The following PC variants were observed in gnomAD, a reference collection of about 807,000 sequenced individuals.
PC encodes pyruvate carboxylase.
Under a neutral mutation model 107.8 loss-of-function variants are expected in PC, and 46 were observed. The observed-to-expected ratio is 0.43, with a 90% CI of 0.34 to 0.55. The LOEUF (loss-of-function observed/expected upper bound fraction) is 0.55, where lower values mean the gene tolerates loss of function less well. Ranked by LOEUF, PC falls within the 20% of genes least tolerant of loss-of-function variation. PC has a pLI of 0.04. For missense variants in PC, 1,241 were observed against 1,643.1 expected (o/e 0.76, Z 4.23); for synonymous variants, 662 against 684.7 (o/e 0.97, Z 0.52).
At chr11:66,849,571 G>C in intron 21 of PC, 40 bp downstream of exon 21, 1 of 1,613,840 alleles carries the variant, frequency 6.2e-7, no homozygotes, top group Non-Finnish European at 8.5e-7. Context: ...CTGGGGCAGG[G>C]GGCCAGGGTG....
At chr11:66,930,928 G>A (rs902524194) in intron 3 of PC, among the ~76,000 whole-genome samples, 1 of 152,038 alleles carries the variant, frequency 6.6e-6, no homozygotes, top group African/African-American at 2.4e-5. Context: ...CCACATGGAC[G>A]AATCACAAAT....
At chr11:66,903,714 C>A (rs1170821443) in intron 3 of PC, among the ~76,000 whole-genome samples, 2 of 127,582 alleles carry the variant, frequency 1.6e-5, no homozygotes, top group African/African-American at 6.1e-5. Flanking sequence ...TGCCATTGCA[C>A]TCCAGCCTGG....
intron 3 of PC, among the ~76,000 whole-genome samples, chr11:66,949,145 C>CA (rs1949378200): frequency 6.6e-6 from 1 of 150,812 alleles, no homozygotes; most frequent in Non-Finnish European, 1.5e-5. Flanking sequence ...GGCGCGTGAC[C>CA]ACCACACCCA....
chr11:66,861,145 G>A (rs890888387), intron 12 of PC, among the ~76,000 whole-genome samples: 3 of 152,166 alleles, frequency 2.0e-5, no homozygotes, highest in South Asian at 2.1e-4. Context: ...GCCCTCCCTC[G>A]CTGCAGGGAG....
rs1565213970 is a variant in PC, at chr11:66,851,835, G to A, written c.1937C>T (p.Ala646Val). The A allele has an allele frequency of 1.2e-6, 2 of 1,614,102 alleles. No individual in the cohort carries two copies. Among genetic ancestry groups the A allele is most frequent in the Admixed American group, 3.3e-5 (2 of 60,028 alleles). Reference protein sequence around the residue: ...NIPFQMLLRGANAVGYTNYPD... With the variant: ...NIPFQMLLRGVNAVGYTNYPD... ...GTAGTTGGTGTAGCCCACAGCATTG[G>A]CCCCCCGCAGCAGCATCTGGAAAGG... is the stretch of plus-strand genomic sequence containing the variant. Residue 646 changes from alanine (A) to valine (V), a missense_variant, in exon 16 of 23, where the codon GCC becomes GTC. By Grantham distance (64) the Ala-to-Val change is moderately conservative. Transcript: ENST00000393960.
At chr11:66,856,292 AGCCGC>A (rs1384622287) in intron 12 of PC, among the ~76,000 whole-genome samples, 1 of 152,186 alleles carries the variant, frequency 6.6e-6, no homozygotes, top group Non-Finnish European at 1.5e-5. Flanking sequence ...GCGGTTGGGA[AGCCGC>A]GCCGCGCAGA....
At chr11:66,940,511 A>T (rs1949103773) in intron 3 of PC, among the ~76,000 whole-genome samples, 1 of 151,480 alleles carries the variant, frequency 6.6e-6, no homozygotes, top group Admixed American at 6.6e-5. Context: ...ATCATGGTGA[A>T]ACGCTGTCTC....
At chr11:66,851,706 G>A (rs1200930995) in intron 16 of PC, 84 bp downstream of exon 16, 41 of 1,397,348 alleles carry the variant, frequency 2.9e-5, no homozygotes, top group Middle Eastern at 1.8e-4. Context: ...CAGGCTGACC[G>A]TGGAGAACAG....
At chr11:66,851,357 C>T (rs543835075) in intron 16 of PC, 77 bp from the exon 17 acceptor site, 6 of 1,584,400 alleles carry the variant, frequency 3.8e-6, no homozygotes, top group African/African-American at 1.3e-5. Context: ...CCTTCCTGAC[C>T]CACTCTATGG....
intron 16 of PC, 36 bp from the exon 17 acceptor site, chr11:66,851,316 C>T (rs776010779): frequency 6.3e-7 from 1 of 1,599,372 alleles, no homozygotes; most frequent in Non-Finnish European, 8.5e-7. Flanking sequence ...TGAGCCCCAC[C>T]CCACCTCCCT....
chr11:66,954,045 G>T (rs1712511202), intron 2 of PC, among the ~76,000 whole-genome samples: 1 of 152,152 alleles, frequency 6.6e-6, no homozygotes, highest in South Asian at 2.1e-4. Context: ...TGAAAAGAGA[G>T]CCCAGTCCAA....
intron 3 of PC, among the ~76,000 whole-genome samples, chr11:66,929,028 T>C (rs1372110063): frequency 6.6e-6 from 1 of 152,172 alleles, no homozygotes; most frequent in Non-Finnish European, 1.5e-5. Flanking sequence ...ATTTATTGAA[T>C]GCTAGAATGG....
At chr11:66,922,484 G>C (rs1426067411) in intron 3 of PC, among the ~76,000 whole-genome samples, 1 of 144,690 alleles carries the variant, frequency 6.9e-6, no homozygotes, top group African/African-American at 2.5e-5. Flanking sequence ...TGAAGCAGGA[G>C]AATCGCTTGA....
At chr11:66,947,080 C>T (rs1351753240) in intron 3 of PC, among the ~76,000 whole-genome samples, 2 of 152,108 alleles carry the variant, frequency 1.3e-5, no homozygotes, top group Non-Finnish European at 2.9e-5. Context: ...GAAAATTTGG[C>T]AGTTCAAGTT....
intron 1 of PC, among the ~76,000 whole-genome samples, chr11:66,955,478 G>C (rs1356139750): frequency 1.3e-5 from 2 of 152,210 alleles, no homozygotes; most frequent in Non-Finnish European, 2.9e-5. Context: ...AGGGAACCGA[G>C]TCAGCCAGGC....
In PC at chr11:66,866,135, A is replaced by C; in HGVS notation, c.1185+52T>G. 2.5e-6 allele frequency: 4 copies of C among 1,577,906 alleles called. No individual in the cohort carries two copies. Among genetic ancestry groups the C allele is most frequent in the Non-Finnish European group, 3.4e-6 (4 of 1,162,474 alleles). On this transcript the variant is annotated intron_variant, in intron 11 of 22. Coordinates refer to ENST00000393960, the MANE Select transcript of PC (RefSeq NM_001040716.2). This position sits in a 1 kb window ranked among gnomAD's most constrained non-coding sequence, Gnocchi z 5.4. ...GGCACTGCAGCCCCAGGCACCAGGC[A>C]GAACCTGTGCACAGGTGAGCTGGCA...
At chr11:66,877,348 T>C (rs954975533) in intron 3 of PC, among the ~76,000 whole-genome samples, 1 of 152,080 alleles carries the variant, frequency 6.6e-6, no homozygotes, top group East Asian at 1.9e-4. Context: ...ATCGCGCCAT[T>C]GCATTCCAGC....
At chr11:66,859,688 C>T (rs189468338) in intron 12 of PC, 142 of 1,612,806 alleles carry the variant, frequency 8.8e-5, no homozygotes, top group Non-Finnish European at 9.7e-5. Context: ...TCGTCCCCGG[C>T]GCTGACTATG....
chr11:66,869,531 T>C (rs1352103804), intron 9 of PC, among the ~76,000 whole-genome samples: 2 of 152,174 alleles, frequency 1.3e-5, no homozygotes, highest in Admixed American at 1.3e-4. Flanking sequence ...ATCACCTCCC[T>C]TAAACCTGTT....
Sources: allele counts gnomAD v4.1 joint callset (sites outside exome capture counted in the v4.1 genomes callset), GRCh38; gene constraint gnomAD v4.1.1; non-coding constraint Gnocchi (gnomAD v3.1); transcripts MANE v1.5; gene names NCBI Gene and HGNC (gene_info 2026-07-23, HGNC 2026-07-21).